The following UBR3 variants were observed in gnomAD, a reference collection of about 807,000 sequenced individuals.
UBR3 encodes the protein ubiquitin protein ligase E3 component n-recognin 3.
In UBR3, 85 loss-of-function variants were observed where a neutral mutation model predicts 243.2. The ratio of observed to expected loss-of-function variants is 0.35; its 90% CI spans 0.29 to 0.42. The LOEUF (loss-of-function observed/expected upper bound fraction) is 0.42, where lower values mean the gene tolerates loss of function less well. Among genes scored for constraint, UBR3 ranks in the 10% least tolerant of loss-of-function variants. The pLI is 1.00. For synonymous variants in UBR3, 748 were observed against 799.8 expected (o/e 0.94, Z 1.09); for missense variants, 1,686 against 2,300.8 (o/e 0.73, Z 5.47).
intron 1 of UBR3, among the ~76,000 whole-genome samples, chr2:169,855,693 A>T (rs1157444010): frequency 6.6e-6 from 1 of 152,254 alleles, no homozygotes; most frequent in Admixed American, 6.5e-5. Flanking sequence ...CAGCATCCCA[A>T]GGCAGAAGAA....
At chr2:169,935,702 A>G (rs750276595) in intron 19 of UBR3, among the ~76,000 whole-genome samples, 2 of 152,344 alleles carry the variant, frequency 1.3e-5, no homozygotes, top group South Asian at 4.1e-4. Flanking sequence ...GTCTCAAACT[A>G]GTCAATAATT....
intron 1 of UBR3, among the ~76,000 whole-genome samples, chr2:169,838,383 G>T (rs919675491): frequency 2.2e-5 from 3 of 139,406 alleles, no homozygotes; most frequent in African/African-American, 8.2e-5. Context: ...CAAGATTAAG[G>T]CATTTGTGTG....
intron 10 of UBR3, among the ~76,000 whole-genome samples, chr2:169,907,542 T>A (rs1379981365): frequency 6.6e-6 from 1 of 152,122 alleles, no homozygotes; most frequent in Non-Finnish European, 1.5e-5. Context: ...TATGGATTAT[T>A]AAGGTAATTT....
In UBR3 at chr2:170,081,729, A is replaced by G. The variant is rs1357031795; in HGVS notation, c.5553A>G (p.Arg1851=). Reference sequence around the variant, plus strand: ...TTTTTTTTTCTTTTTGTTCTAGGCGAGGCAAACCTCTCTACATTTGTAAGG... The same window carrying G: ...TTTTTTTTTCTTTTTGTTCTAGGCGGGGCAAACCTCTCTACATTTGTAAGG... ...AHGEEDRDLR[R]GKPLYICKER... is the part of the protein sequence containing the mutation. The change falls in exon 39 of 39, where the codon CGA becomes CGG. Residue 1851 remains arginine, a synonymous_variant. Coordinates refer to ENST00000272793, the MANE Select transcript of UBR3 (RefSeq NM_172070.4). 2.5e-6 allele frequency: 4 copies of G among 1,598,626 alleles called. No homozygotes were observed. In the Admixed American group the frequency reaches 7.0e-5, roughly 28 times the overall value.
chr2:169,871,985 G>A (rs1393244188), intron 1 of UBR3, among the ~76,000 whole-genome samples: 1 of 152,040 alleles, frequency 6.6e-6, no homozygotes, highest in Non-Finnish European at 1.5e-5. Context: ...GCCCTGTAAT[G>A]AGATTTTCTT....
chr2:170,008,655 A>G, intron 28 of UBR3, 149 bp from the exon 29 acceptor site: 1 of 464,530 alleles, frequency 2.2e-6, no homozygotes, highest in South Asian at 4.6e-5. Context: ...TTAACTTTGT[A>G]CACTAAATAT....
intron 24 of UBR3, among the ~76,000 whole-genome samples, chr2:169,967,792 TA>T (rs1434372819): frequency 2.6e-5 from 4 of 152,138 alleles, no homozygotes; most frequent in African/African-American, 4.8e-5. Flanking sequence ...TTTAACAGTA[TA>T]AGCAAATACC....
At chr2:169,971,641 T>C (rs1032151542) in intron 24 of UBR3, among the ~76,000 whole-genome samples, 1 of 152,194 alleles carries the variant, frequency 6.6e-6, no homozygotes, top group African/African-American at 2.4e-5. Context: ...GTTGTAGATA[T>C]GCAGCGTTGT....
chr2:170,026,807 C>T, intron 30 of UBR3, among the ~76,000 whole-genome samples: 1 of 151,998 alleles, frequency 6.6e-6, no homozygotes, highest in East Asian at 1.9e-4. Flanking sequence ...GTCATGCATG[C>T]AGTTGGTAGT....
At chr2:170,066,175 A>G (rs534815206) in intron 35 of UBR3, among the ~76,000 whole-genome samples, 2 of 152,332 alleles carry the variant, frequency 1.3e-5, no homozygotes, top group South Asian at 2.1e-4. Context: ...TGTTAAGCAT[A>G]GGAAATAATC....
chr2:170,070,831 T>C (rs1156940314), intron 35 of UBR3, among the ~76,000 whole-genome samples: 1 of 152,166 alleles, frequency 6.6e-6, no homozygotes. Flanking sequence ...AGAGTAACAT[T>C]TATGGTATGT....
At chr2:169,935,739 AT>A (rs1009079359) in intron 19 of UBR3, among the ~76,000 whole-genome samples, 2 of 152,084 alleles carry the variant, frequency 1.3e-5, no homozygotes, top group African/African-American at 4.8e-5. Flanking sequence ...CACTTAAATA[AT>A]TTTTTTCTGT....
chr2:169,913,914 G>A (rs1476710951), intron 10 of UBR3, 146 bp from the exon 11 acceptor site: 1 of 324,726 alleles, frequency 3.1e-6, no homozygotes, highest in African/African-American at 2.2e-5. Flanking sequence ...TATGAAGGGA[G>A]AGTTTCTTGA....
intron 23 of UBR3, among the ~76,000 whole-genome samples, chr2:169,957,231 A>G (rs1297969753): frequency 6.7e-6 from 1 of 149,058 alleles, no homozygotes; most frequent in Non-Finnish European, 1.5e-5. Context: ...TAGTTGACTT[A>G]TTTTCCTATT....
At chr2:169,937,583 A>G (rs1019844075) in intron 19 of UBR3, among the ~76,000 whole-genome samples, 2 of 152,140 alleles carry the variant, frequency 1.3e-5, no homozygotes, top group African/African-American at 4.8e-5. Flanking sequence ...GTTCTTGCCC[A>G]TGCCTGTGTC....
intron 35 of UBR3, among the ~76,000 whole-genome samples, chr2:170,063,572 AAAAC>A (rs1322819420): frequency 1.3e-5 from 2 of 152,184 alleles, no homozygotes; most frequent in Non-Finnish European, 2.9e-5. Flanking sequence ...ATTCCAGAAA[AAAAC>A]TATTCATAAG....
chr2:170,080,380 A>G, intron 37 of UBR3, 165 bp from the exon 38 acceptor site: 1 of 802,442 alleles, frequency 1.2e-6, no homozygotes, highest in Non-Finnish European at 1.9e-6. Context: ...AATACCTCCT[A>G]ATGTATTAAT....
Position 170,009,120 on chromosome 2 carries a change from T to C in UBR3, c.4367+180T>C, listed in dbSNP as rs186953968. Among the ~76,000 whole-genome samples the C allele has an allele frequency of 9.4e-4, 143 of 152,094 alleles. 1 individual carries two copies. Among genetic ancestry groups the C allele is most frequent in the Non-Finnish European group, 1.2e-3 (82 of 67,920 alleles). ...TGTGCAGCTTTATTTCCTGAAGAGG[T>C]TTTATTTTAATGAAATATTTGCATA... On this transcript the variant is annotated intron_variant, in intron 29 of 38. Transcript: ENST00000272793.
chr2:169,937,089 A>G (rs867250569), intron 19 of UBR3, among the ~76,000 whole-genome samples: 15 of 152,328 alleles, frequency 9.8e-5, no homozygotes, highest in Admixed American at 3.9e-4. Flanking sequence ...TCCTTGAGGA[A>G]TCACCACACT....
Sources: allele counts gnomAD v4.1 joint callset (sites outside exome capture counted in the v4.1 genomes callset), GRCh38; gene constraint gnomAD v4.1.1; transcripts MANE v1.5; gene names NCBI Gene and HGNC (gene_info 2026-07-23, HGNC 2026-07-21).